MECOM: variants seen among roughly 807,000 people sequenced by gnomAD.
The protein encoded by MECOM is MDS1 and EVI1 complex locus.
MECOM carries 13 observed loss-of-function variants against 116.3 expected under a neutral mutation model. That is an observed-to-expected ratio of 0.11 (90% CI 0.07 to 0.18). The LOEUF (loss-of-function observed/expected upper bound fraction) is 0.18, where lower values mean the gene tolerates loss of function less well. MECOM is among the 10% of genes least tolerant of loss of function. The pLI is 1.00. For missense variants in MECOM, 1,299 were observed against 1,509.0 expected (o/e 0.86, Z 2.31); for synonymous variants, 528 against 535.2 (o/e 0.99, Z 0.19).
chr3:169,310,591 A>G (rs780146318), intron 2 of MECOM, among the ~76,000 whole-genome samples: 8 of 152,150 alleles, frequency 5.3e-5, no homozygotes, highest in Non-Finnish European at 7.4e-5. Flanking sequence ...GTGTGTATCT[A>G]TTGCTGTCAC....
intron 1 of MECOM, among the ~76,000 whole-genome samples, chr3:169,504,270 G>A (rs1464273571): frequency 6.6e-6 from 1 of 150,758 alleles, no homozygotes. Context: ...TGTGGGAGGT[G>A]GTTCAAACTT....
At chr3:169,555,826 C>A (rs1283892464) in intron 1 of MECOM, among the ~76,000 whole-genome samples, 1 of 152,206 alleles carries the variant, frequency 6.6e-6, no homozygotes, top group Non-Finnish European at 1.5e-5. Flanking sequence ...CATCACTTAT[C>A]TTCTCCCAAC....
chr3:169,286,749 G>A (rs1021913132), intron 2 of MECOM, among the ~76,000 whole-genome samples: 1 of 152,068 alleles, frequency 6.6e-6, no homozygotes, highest in African/African-American at 2.4e-5. Flanking sequence ...CAAGCAAACA[G>A]CAACAGACCC....
rs769060298 is a variant in MECOM at position 169,090,158 on chromosome 3, A to C, written c.3243T>G (p.Val1081=). ...QNSDLLDDEE[V]EDEVLLDEED... The stretch of plus-strand genomic sequence containing the variant: ...CCTCATCTAACAACACCTCATCTTC[A>C]ACTTCTTCATCATCCAGCAAGTCTG... The change falls in exon 15 of 17, where the codon GTT becomes GTG. Residue 1081 remains valine, a synonymous_variant. Coordinates refer to ENST00000651503, the MANE Select transcript of MECOM (RefSeq NM_004991.4). 4.3e-6 allele frequency: 7 copies of C among 1,613,332 alleles called. No individual in the cohort carries two copies. The highest frequency in any genetic ancestry group is 5.9e-6 in the Non-Finnish European group (7 of 1,179,606).
At chr3:169,553,727 A>T (rs891721720) in intron 1 of MECOM, among the ~76,000 whole-genome samples, 1 of 152,066 alleles carries the variant, frequency 6.6e-6, no homozygotes, top group Admixed American at 6.5e-5. Context: ...GGCCTCTCTT[A>T]TTGGCTTGCA....
chr3:169,477,101 GTGTGTATATATATA>G (rs1442044739), intron 1 of MECOM: 87 of 51,614 alleles, frequency 1.7e-3, no homozygotes, highest in South Asian at 6.8e-3. Flanking sequence ...GTGTGTGTGT[GTGTGTATATATATA>G]TATATATATA....
At chr3:169,295,172 A>G (rs986468554) in intron 2 of MECOM, among the ~76,000 whole-genome samples, 1 of 152,174 alleles carries the variant, frequency 6.6e-6, no homozygotes, top group Non-Finnish European at 1.5e-5. Flanking sequence ...CTCCTGTCCC[A>G]CTTTCACCAT....
chr3:169,234,136 T>C (rs1753743107), intron 2 of MECOM, among the ~76,000 whole-genome samples: 1 of 152,058 alleles, frequency 6.6e-6, no homozygotes, highest in South Asian at 2.1e-4. Flanking sequence ...TGAGACAGAT[T>C]TTTTGGAGTG....
At chr3:169,658,101 A>T (rs1183978226) in intron 1 of MECOM, among the ~76,000 whole-genome samples, 1 of 152,198 alleles carries the variant, frequency 6.6e-6, no homozygotes, top group African/African-American at 2.4e-5. Flanking sequence ...GGAAGGGGGA[A>T]ATCTAATTTT....
At chr3:169,318,011 C>A (rs1720068144) in intron 2 of MECOM, among the ~76,000 whole-genome samples, 1 of 152,094 alleles carries the variant, frequency 6.6e-6, no homozygotes, top group Non-Finnish European at 1.5e-5. Context: ...CTGACAAAAA[C>A]AAGCAATAGG....
intron 2 of MECOM, among the ~76,000 whole-genome samples, chr3:169,357,313 TA>T (rs1004349073): frequency 5.3e-5 from 8 of 151,840 alleles, no homozygotes; most frequent in Non-Finnish European, 1.0e-4. Context: ...GCATTTTTCC[TA>T]AAAGGGTCAA....
intron 1 of MECOM, among the ~76,000 whole-genome samples, chr3:169,466,685 C>T (rs1321101961): frequency 3.3e-5 from 5 of 151,990 alleles, no homozygotes; most frequent in South Asian, 4.2e-4. Flanking sequence ...GTTTGTGGCT[C>T]TTTCCTGAAA....
chr3:169,404,722 C>T (rs1163448455), intron 1 of MECOM, among the ~76,000 whole-genome samples: 3 of 152,174 alleles, frequency 2.0e-5, no homozygotes, highest in Non-Finnish European at 4.4e-5. Context: ...GCCACCCCGC[C>T]GGCCTGGTAT....
chr3:169,088,932 G>A (rs1718732565), intron 16 of MECOM, 68 bp downstream of exon 16: 1 of 1,267,188 alleles, frequency 7.9e-7, no homozygotes, highest in African/African-American at 1.5e-5. Flanking sequence ...TTGCTTTTTG[G>A]TAATCAAAGG....
intron 1 of MECOM, among the ~76,000 whole-genome samples, chr3:169,452,876 G>A (rs1369450889): frequency 1.3e-5 from 2 of 152,050 alleles, no homozygotes; most frequent in African/African-American, 2.4e-5. Context: ...CAATAAGCTA[G>A]GCATGAGAAA....
chr3:169,427,085 T>C (rs1278600866), intron 1 of MECOM, among the ~76,000 whole-genome samples: 2 of 152,178 alleles, frequency 1.3e-5, no homozygotes, highest in Non-Finnish European at 2.9e-5. Context: ...AGGTATGAAT[T>C]CTTTTTTAAA....
intron 2 of MECOM, chr3:169,145,600 G>A (rs576224379): frequency 3.3e-4 from 73 of 224,328 alleles, no homozygotes; most frequent in Non-Finnish European, 3.5e-4. Flanking sequence ...TTTAATAAAG[G>A]ACATAGAATA....
chr3:169,493,707 C>G (rs1043333331), intron 1 of MECOM, among the ~76,000 whole-genome samples: 2 of 152,066 alleles, frequency 1.3e-5, no homozygotes, highest in African/African-American at 4.8e-5. Flanking sequence ...GAAACAGAAA[C>G]AGCCCTGACA....
At chr3:169,168,337 C>CTTTTTTTTTTT (rs1166736467) in intron 2 of MECOM, among the ~76,000 whole-genome samples, 14 of 108,456 alleles carry the variant, frequency 1.3e-4, no homozygotes, top group South Asian at 3.3e-4. Flanking sequence ...ACTTGGCCTG[C>CTTTTTTTTTTT]TTTTTTTTTT....
Sources: gnomAD v4.1 joint callset for allele counts (sites outside exome capture counted in the v4.1 genomes callset) on GRCh38, gnomAD v4.1.1 for gene constraint, MANE v1.5 for transcripts, NCBI Gene and HGNC (gene_info 2026-07-23, HGNC 2026-07-21) for gene names.